SCAPER: variants seen among roughly 807,000 people sequenced by gnomAD.
The protein encoded by SCAPER is S phase cyclin A-associated protein in the endoplasmic reticulum.
A neutral mutation model predicts 182.2 loss-of-function variants in SCAPER; 98 were observed. That is an observed-to-expected ratio of 0.54 (90% CI 0.46 to 0.64). The LOEUF is 0.64. SCAPER is among the 30% of genes least tolerant of loss of function. SCAPER has a pLI of 0.00. For synonymous variants in SCAPER, 605 were observed against 564.6 expected (o/e 1.07, Z -1.01); for missense variants, 1,432 against 1,690.0 (o/e 0.85, Z 2.68).
At chr15:76,676,066 C>A (rs917613758) in intron 20 of SCAPER, among the ~76,000 whole-genome samples, 1 of 152,196 alleles carries the variant, frequency 6.6e-6, no homozygotes, top group African/African-American at 2.4e-5. Context: ...CTCAGGTGAT[C>A]CACCCACCTC....
At chr15:76,703,710 T>C (rs1397414142) in intron 18 of SCAPER, among the ~76,000 whole-genome samples, 1 of 152,196 alleles carries the variant, frequency 6.6e-6, no homozygotes, top group African/African-American at 2.4e-5. Flanking sequence ...TGTCCTCTTC[T>C]GTGCTTCCAC....
At chr15:76,864,694 A>AT (rs201318392) in intron 2 of SCAPER, among the ~76,000 whole-genome samples, 82 of 147,174 alleles carry the variant, frequency 5.6e-4, no homozygotes, top group East Asian at 7.9e-4. Context: ...CCAGATAATA[A>AT]TTTTTTTTTT....
chr15:76,815,628 G>A (rs1194849099), intron 5 of SCAPER, among the ~76,000 whole-genome samples: 3 of 152,128 alleles, frequency 2.0e-5, no homozygotes, highest in African/African-American at 4.8e-5. Flanking sequence ...GTGAGCAGTG[G>A]GCCAGTAAAC....
At chr15:76,838,958 C>T (rs1332898946) in intron 5 of SCAPER, among the ~76,000 whole-genome samples, 3 of 152,206 alleles carry the variant, frequency 2.0e-5, no homozygotes, top group Non-Finnish European at 4.4e-5. Context: ...CAAAAAGCAA[C>T]TCCCCCAGCC....
chr15:76,384,215 C>A (rs146497111), intron 27 of SCAPER, among the ~76,000 whole-genome samples: 12 of 152,330 alleles, frequency 7.9e-5, no homozygotes, highest in African/African-American at 2.9e-4. Flanking sequence ...GTTTTCAGAA[C>A]CTTGAGGATG....
At chr15:76,712,062 T>G (rs188163334) in intron 17 of SCAPER, among the ~76,000 whole-genome samples, 2 of 152,354 alleles carry the variant, frequency 1.3e-5, no homozygotes, top group African/African-American at 4.8e-5. Context: ...AGGGTTTTTA[T>G]GGTTTTAGGT....
At chr15:76,754,385 C>G in intron 14 of SCAPER, among the ~76,000 whole-genome samples, 1 of 151,798 alleles carries the variant, frequency 6.6e-6, no homozygotes, top group Non-Finnish European at 1.5e-5. Flanking sequence ...TATGATGTAA[C>G]CCACATTCAA....
intron 20 of SCAPER, among the ~76,000 whole-genome samples, chr15:76,676,704 A>C (rs1222665128): frequency 6.6e-6 from 1 of 151,738 alleles, no homozygotes; most frequent in Non-Finnish European, 1.5e-5. Context: ...ATTATATTAA[A>C]ATTTTCATTG....
At chr15:76,382,551 T>C (rs1480723430) in intron 27 of SCAPER, among the ~76,000 whole-genome samples, 2 of 152,050 alleles carry the variant, frequency 1.3e-5, no homozygotes, top group Non-Finnish European at 2.9e-5. Flanking sequence ...CAGGCAGTTA[T>C]AGTAAACATG....
chr15:76,432,708 G>T (rs2046948831), intron 26 of SCAPER, among the ~76,000 whole-genome samples: 2 of 152,198 alleles, frequency 1.3e-5, no homozygotes, highest in African/African-American at 4.8e-5. Context: ...TGGAGAGAAG[G>T]TGACCTTAGA....
Position 76,665,694 on chromosome 15 carries a change from A to AT in SCAPER, c.2603dup (p.Asn868LysfsTer2), listed in dbSNP as rs1341630888. 6 of 1,578,680 alleles carry AT rather than the reference A, an allele frequency of 3.8e-6. No homozygotes were observed. The highest frequency in any genetic ancestry group is 1.2e-5 in the South Asian group (1 of 85,720). On this transcript the variant is annotated frameshift_variant, in exon 21 of 32. Coordinates refer to ENST00000563290, the MANE Select transcript of SCAPER (RefSeq NM_020843.4). LOFTEE classifies it high-confidence loss of function. ...CTTTTATCTTTTTGGCTTTTTTTTT[A>AT]TTTTTTTGCCGCTCTTCTCCATCTT...
At chr15:76,671,468 T>G (rs2057007109) in intron 20 of SCAPER, among the ~76,000 whole-genome samples, 1 of 152,000 alleles carries the variant, frequency 6.6e-6, no homozygotes, top group Non-Finnish European at 1.5e-5. Context: ...TGACAAGGTA[T>G]TCCCACAACC....
At chr15:76,397,602 T>A (rs2044163155) in intron 27 of SCAPER, among the ~76,000 whole-genome samples, 1 of 145,766 alleles carries the variant, frequency 6.9e-6, no homozygotes, top group South Asian at 2.3e-4. Flanking sequence ...TGCCTCAGCC[T>A]CCCCAGTAGC....
At chr15:76,352,607 G>A (rs1002618039) in intron 30 of SCAPER, among the ~76,000 whole-genome samples, 1 of 150,888 alleles carries the variant, frequency 6.6e-6, no homozygotes, top group Non-Finnish European at 1.5e-5. Flanking sequence ...TCAGCCTCCC[G>A]AGTAGCTGGG....
At chr15:76,366,521 C>T (rs886276895) in intron 29 of SCAPER, among the ~76,000 whole-genome samples, 5 of 152,172 alleles carry the variant, frequency 3.3e-5, no homozygotes, top group African/African-American at 2.4e-5. Context: ...AATGGTCTCT[C>T]GGATTTCTTC....
In SCAPER at chr15:76,665,660, T is replaced by C. The variant is rs780042388; in HGVS notation, c.2638A>G (p.Asn880Asp). The change falls in exon 21 of 32, where the codon AAC becomes GAC. Residue 880 changes from asparagine (N) to aspartate (D), a missense_variant. Physicochemically the swap from Asn to Asp is conservative, Grantham distance 23 (BLOSUM62 1). Coordinates refer to ENST00000563290, the MANE Select transcript of SCAPER (RefSeq NM_020843.4). ...KKAKKIKARM[N>D]FRAKEYESLM... The stretch of plus-strand genomic sequence containing the variant: ...TAAGGGTATTTAAGGTACCTGAAGT[T>C]CATCCGGGCTTTTATCTTTTTGGCT... The C allele has an allele frequency of 5.7e-6, 9 of 1,589,628 alleles. No homozygotes were observed. The South Asian group carries it at 1.1e-4, about 19-fold the overall frequency.
intron 26 of SCAPER, among the ~76,000 whole-genome samples, chr15:76,433,278 C>T (rs1431747045): frequency 2.6e-5 from 4 of 152,064 alleles, no homozygotes; most frequent in South Asian, 4.2e-4. Flanking sequence ...GAGATGGAGG[C>T]GGGTGGGTCA....
At chr15:76,820,763 A>C (rs943440586) in intron 5 of SCAPER, among the ~76,000 whole-genome samples, 135 of 147,778 alleles carry the variant, frequency 9.1e-4, no homozygotes, top group Admixed American at 2.7e-3. Flanking sequence ...TTTAAAAAAG[A>C]AAAAAAAAAC....
At chr15:76,356,917 G>A (rs1193672591) in intron 29 of SCAPER, among the ~76,000 whole-genome samples, 1 of 151,966 alleles carries the variant, frequency 6.6e-6, no homozygotes, top group Non-Finnish European at 1.5e-5. Context: ...ACCTTCAGAC[G>A]CAGAGTAGGG....
Sources: allele counts gnomAD v4.1 joint callset (sites outside exome capture counted in the v4.1 genomes callset), GRCh38; gene constraint gnomAD v4.1.1; transcripts MANE v1.5; gene names NCBI Gene and HGNC (gene_info 2026-07-23, HGNC 2026-07-21).